TIGIT: variants seen among roughly 807,000 people sequenced by gnomAD.
The protein encoded by TIGIT is T-cell immunoreceptor with Ig and ITIM domains.
TIGIT carries 11 observed loss-of-function variants against 19.6 expected under a neutral mutation model. The observed-to-expected ratio is 0.56, with a 90% confidence interval of 0.35 to 0.93. TIGIT has a LOEUF of 0.93. Among genes scored for constraint, TIGIT ranks in the 40% least tolerant of loss-of-function variants. The probability of loss-of-function intolerance (pLI) is 0.01; values close to 1 mark genes in which losing one functional copy is unlikely to be tolerated. For missense variants in TIGIT, 295 were observed against 303.9 expected, an observed-to-expected ratio of 0.97 and a Z score of 0.22; for synonymous variants, 130 against 125.5, an observed-to-expected ratio of 1.04 and a Z score of -0.24.
chr3:114,301,063 G>A (rs915471554), intron 3 of TIGIT, among the ~76,000 whole-genome samples: 1 of 152,126 alleles, frequency 6.6e-6, no homozygotes, highest in Non-Finnish European at 1.5e-5. Context: ...TTATATCAGT[G>A]AAATTTATGT....
At chr3:114,303,549 A>ATGTATATATATATACATATATATG (rs1560033534) in intron 3 of TIGIT, among the ~76,000 whole-genome samples, 397 of 7,234 alleles carry the variant, frequency 0.055, 7 homozygotes, top group African/African-American at 0.1. Flanking sequence ...ACACATATAT[A>ATGTATATATATATACATATATATG]TGTATATATA....
At chr3:114,298,945 C>T (rs1384532251) in intron 2 of TIGIT, among the ~76,000 whole-genome samples, 1 of 152,202 alleles carries the variant, frequency 6.6e-6, no homozygotes, top group Non-Finnish European at 1.5e-5. Flanking sequence ...AAACTCCCCT[C>T]CTGCATCTTC....
In TIGIT at chr3:114,308,107, C is replaced by T. The variant is rs2078548229; in HGVS notation, c.711C>T (p.Cys237=). ...NVLSYRSLGN[C]SFFTETG ...TGAGTTACAGAAGCCTGGGTAACTG[C>T]AGCTTCTTCACAGAGACTGGTTAGC... Residue 237 remains cysteine (C), a synonymous_variant, in exon 4 of 4, where the codon TGC becomes TGT. Coordinates refer to ENST00000383671, the MANE Select transcript of TIGIT (RefSeq NM_173799.4). 6.2e-7 allele frequency: 1 copy of T among 1,614,060 alleles called. No individual in the cohort carries two copies.
rs2078560858 is a variant in TIGIT at position 114,309,899 on chromosome 3, T to C, written c.*1768T>C. 1 of 152,162 alleles carries C rather than the reference T, an allele frequency of 6.6e-6. No individual in the cohort carries two copies. The highest frequency in any genetic ancestry group is 1.5e-5 in the Non-Finnish European group (1 of 68,022). The allele number at this position is 152,162 out of a possible 1,614,324, so 9.4% of individuals were successfully genotyped here. A position where few individuals can be genotyped will look rare whatever the true frequency, so the allele number is the denominator to read the frequency against. Reference sequence around the variant, plus strand: ...AATTGGGAAACATTTATAAACACTATTGGGATGGTGATAAAATACAAAAGG... The same window carrying C: ...AATTGGGAAACATTTATAAACACTACTGGGATGGTGATAAAATACAAAAGG... On this transcript the variant is annotated 3_prime_UTR_variant, in exon 4 of 4. Coordinates refer to ENST00000383671, the MANE Select transcript of TIGIT (RefSeq NM_173799.4).
intron 2 of TIGIT, among the ~76,000 whole-genome samples, chr3:114,298,890 C>G (rs1458324687): frequency 6.6e-6 from 1 of 152,206 alleles, no homozygotes; most frequent in South Asian, 2.1e-4. Context: ...TGATGGTGTT[C>G]TTTTTCTCAC....
Position 114,308,201 on chromosome 3 carries a change from A to G in TIGIT, c.*70A>G. On this transcript the variant is annotated 3_prime_UTR_variant, in exon 4 of 4. Transcript: ENST00000383671. ...TATAGATGAATATATAAGCAGCTGT[A>G]CTCTCCATCAGTGCTGCGTGTGTGT... The G allele has an allele frequency of 7.9e-7, 1 of 1,263,122 alleles. No individual in the cohort carries two copies. 78.2% of individuals were successfully genotyped at this position (1,263,122 alleles called of 1,614,324 possible). A position where few individuals can be genotyped will look rare whatever the true frequency, so the allele number is the denominator to read the frequency against.
chr3:114,295,059 G>C (rs183736566), intron 1 of TIGIT: 1 of 168,338 alleles, frequency 5.9e-6, no homozygotes, highest in Non-Finnish European at 1.3e-5. Context: ...AAGTTGTGTA[G>C]TCATAAGCCA....
chr3:114,303,991 G>A (rs1302377239), intron 3 of TIGIT, among the ~76,000 whole-genome samples: 8 of 151,930 alleles, frequency 5.3e-5, no homozygotes, highest in East Asian at 3.9e-4. Flanking sequence ...TTTGATTTGC[G>A]TTTCCCTGAT....
At chr3:114,305,909 A>ATAGATAG (rs2078532079) in intron 3 of TIGIT, among the ~76,000 whole-genome samples, 1 of 131,420 alleles carries the variant, frequency 7.6e-6, no homozygotes, top group South Asian at 2.5e-4. Flanking sequence ...TAGATAGATG[A>ATAGATAG]GGAGGGATTT....
At chr3:114,302,772 T>C (rs1323214422) in intron 3 of TIGIT, among the ~76,000 whole-genome samples, 1 of 152,242 alleles carries the variant, frequency 6.6e-6, no homozygotes, top group African/African-American at 2.4e-5. Context: ...GGATATTCTT[T>C]TTCTTTTTCC....
At chr3:114,303,021 C>T (rs1206638671) in intron 3 of TIGIT, among the ~76,000 whole-genome samples, 6 of 152,182 alleles carry the variant, frequency 3.9e-5, no homozygotes, top group African/African-American at 1.4e-4. Flanking sequence ...AAATGAATGA[C>T]TATGACTCTG....
chr3:114,302,982 G>T lies in TIGIT; in HGVS notation c.498+3279G>T, dbSNP rs536051425. On this transcript the variant is annotated intron_variant, in intron 3 of 3. Coordinates refer to ENST00000383671, the MANE Select transcript of TIGIT (RefSeq NM_173799.4). ...GTTGCAACAATTCAACTCTGCCATT[G>T]TAGTGTGAAAGTGCTATAGATTATA... Among the ~76,000 whole-genome samples the T allele has an allele frequency of 5.9e-5, 9 of 152,274 alleles. No homozygotes were observed. In the East Asian group the frequency reaches 1.3e-3, roughly 23 times the overall value.
chr3:114,302,061 A>G (rs1223070670), intron 3 of TIGIT, among the ~76,000 whole-genome samples: 1 of 152,116 alleles, frequency 6.6e-6, no homozygotes, highest in African/African-American at 2.4e-5. Context: ...GCCTGGAAGG[A>G]GAGAGTTATG....
intron 2 of TIGIT, among the ~76,000 whole-genome samples, chr3:114,299,216 A>G (rs955139766): frequency 8.5e-5 from 13 of 152,220 alleles, no homozygotes; most frequent in African/African-American, 3.1e-4. Context: ...TGAATTAAAT[A>G]TTTTTATTGA....
In TIGIT at chr3:114,294,090, C is replaced by A. The variant is rs1161667590; in HGVS notation, c.29C>A (p.Ala10Asp). The A allele has an allele frequency of 2.6e-6, 4 of 1,554,678 alleles. No individual in the cohort carries two copies. The highest frequency in any genetic ancestry group is 3.5e-6 in the Non-Finnish European group (4 of 1,148,264). The change falls in exon 1 of 4, where the codon GCC (alanine) becomes GAC (aspartate). Residue 10 changes from alanine to aspartate, a missense_variant. By Grantham distance (126) the Ala-to-Asp change is moderately radical (BLOSUM62 -2). Transcript: ENST00000383671. Reference protein sequence around the residue: MRWCLLLIWAQGLRQAPLAS... With the variant: MRWCLLLIWDQGLRQAPLAS... ...CGCTGGTGTCTCCTCCTGATCTGGG[C>A]CCAGGGGCTGAGGCAGGCTCCCCTC...
At chr3:114,299,382 A>G (rs2078474777) in intron 2 of TIGIT, among the ~76,000 whole-genome samples, 1 of 152,244 alleles carries the variant, frequency 6.6e-6, no homozygotes, top group African/African-American at 2.4e-5. Flanking sequence ...CAAATATACA[A>G]GGTACACCAC....
At chr3:114,306,837 G>T (rs919537096) in intron 3 of TIGIT, among the ~76,000 whole-genome samples, 1 of 152,164 alleles carries the variant, frequency 6.6e-6, no homozygotes, top group Non-Finnish European at 1.5e-5. Context: ...AAATCCAGCT[G>T]TGCATCTCAG....
At chr3:114,296,408 T>C (rs1412935012) in intron 2 of TIGIT, among the ~76,000 whole-genome samples, 1 of 152,222 alleles carries the variant, frequency 6.6e-6, no homozygotes, top group Non-Finnish European at 1.5e-5. Context: ...AGGATTCTTA[T>C]CTTATCTGAG....
rs367838115 is a variant in TIGIT at position 114,306,634 on chromosome 3, ATAAT to A, written c.499-1256_499-1253del. ...GTCATGAGAAAACTTCAGTCAAATA[ATAAT>A]TAATGTAAGGCACTTAGCATTTTTC... is the stretch of plus-strand genomic sequence containing the variant. On this transcript the variant is annotated intron_variant, in intron 3 of 3. Transcript: ENST00000383671. Among the ~76,000 whole-genome samples, 215 of 152,330 alleles carry A rather than the reference ATAAT, an allele frequency of 1.4e-3. 3 individuals carry two copies. The highest frequency in any genetic ancestry group is 9.3e-3 in the East Asian group (48 of 5,178).
Sources: gnomAD v4.1 joint callset for allele counts (sites outside exome capture counted in the v4.1 genomes callset) on GRCh38, gnomAD v4.1.1 for gene constraint, MANE v1.5 for transcripts, NCBI Gene and HGNC (gene_info 2026-07-23, HGNC 2026-07-21) for gene names.